Variants in DEAF1 observed in about 807,000 individuals in gnomAD.
DEAF1 encodes DEAF1 transcription factor.
In DEAF1, 53 loss-of-function variants were observed where a neutral mutation model predicts 58.9. The observed-to-expected ratio is 0.90, with a 90% confidence interval of 0.72 to 1.13. The LOEUF is 1.13. Ranked by LOEUF, DEAF1 falls within the 50% of genes most tolerant of loss-of-function variation. The pLI is 0.00. For missense variants in DEAF1, 685 were observed against 791.4 expected, an observed-to-expected ratio of 0.87 and a Z score of 1.61; for synonymous variants, 385 against 340.4, an observed-to-expected ratio of 1.13 and a Z score of -1.44.
At chr11:701,690 T>G (rs1215991477) in intron 1 of DEAF1, among the ~76,000 whole-genome samples, 3 of 151,962 alleles carry the variant, frequency 2.0e-5, no homozygotes, top group South Asian at 2.1e-4. Context: ...ATTACAGGCG[T>G]GAGCCACCGC....
At position 691,659 on chromosome 11, in the gene DEAF1, C is replaced by T. The variant is rs750793872; in HGVS notation, c.290-61G>A. On this transcript the variant is annotated intron_variant, in intron 1 of 11. Coordinates refer to ENST00000382409, the MANE Select transcript of DEAF1 (RefSeq NM_021008.4). Reference sequence around the variant, plus strand: ...AAGCCAGAATGGACAAAGCGAACAGCCTCGCTCAGGTGCTTCAAACAAAGT... The same window carrying T: ...AAGCCAGAATGGACAAAGCGAACAGTCTCGCTCAGGTGCTTCAAACAAAGT... 1.3e-5 allele frequency: 19 copies of T among 1,493,262 alleles called. No individual in the cohort carries two copies. The African/African-American group carries it at 2.5e-4, about 19-fold the overall frequency. 92.5% of individuals were successfully genotyped at this position (1,493,262 alleles called of 1,614,324 possible). A position where few individuals can be genotyped will look rare whatever the true frequency, so the allele number is the denominator to read the frequency against.
intron 10 of DEAF1, among the ~76,000 whole-genome samples, chr11:665,583 A>C (rs951198471): frequency 4.6e-5 from 7 of 152,204 alleles, no homozygotes; most frequent in African/African-American, 1.7e-4. Flanking sequence ...AAGGGATTTC[A>C]TGCCACATTT....
chr11:661,240 G>C lies in DEAF1; in HGVS notation c.1504-7189C>G, dbSNP rs571395042. Among the ~76,000 whole-genome samples the C allele has an allele frequency of 1.2e-4, 18 of 152,282 alleles. No individual in the cohort carries two copies. The East Asian group carries it at 3.3e-3, about 28-fold the overall frequency. On this transcript the variant is annotated intron_variant, in intron 10 of 11. Coordinates refer to ENST00000382409, the MANE Select transcript of DEAF1 (RefSeq NM_021008.4). ...GAGTCCAAGACCCTGCAGCCACTCG[G>C]CTGGCTTCCACTGGACACTGTGCCC...
At chr11:654,171 T>A in intron 10 of DEAF1, 120 bp from the exon 11 acceptor site, 1 of 709,058 alleles carries the variant, frequency 1.4e-6, no homozygotes. Flanking sequence ...CCCCCTTTTT[T>A]TTTTTTTTTT....
At chr11:647,011 T>C (rs1858527448) in intron 11 of DEAF1, among the ~76,000 whole-genome samples, 1 of 151,596 alleles carries the variant, frequency 6.6e-6, no homozygotes, top group Admixed American at 6.6e-5. Flanking sequence ...GTTTTAAAAT[T>C]AGCTGGGTGT....
At chr11:675,577 C>T (rs1440441150) in intron 9 of DEAF1, among the ~76,000 whole-genome samples, 2 of 152,204 alleles carry the variant, frequency 1.3e-5, no homozygotes, top group Non-Finnish European at 2.9e-5. Context: ...AATCCCAGCA[C>T]TTTGGGAGGC....
Position 653,428 on chromosome 11 carries a change from GTCTC to G in DEAF1, c.1593+530_1593+533del, listed in dbSNP as rs1178054690. On this transcript the variant is annotated intron_variant, in intron 11 of 11. Transcript: ENST00000382409. The stretch of plus-strand genomic sequence containing the variant: ...CTCAATAATAGAGGAACTGTGGACA[GTCTC>G]TCTCGCGTGGCTCTGCAGGGGTGTG... Among the ~76,000 whole-genome samples the G allele has an allele frequency of 1.3e-3, 151 of 118,326 alleles. 1 individual carries two copies. The highest frequency in any genetic ancestry group is 5.0e-3 in the African/African-American group (144 of 28,890). The allele number at this position is 118,326 out of a possible 152,430, so 77.6% of individuals were successfully genotyped here.
intron 10 of DEAF1, among the ~76,000 whole-genome samples, chr11:660,007 G>A (rs1216582148): frequency 6.6e-6 from 1 of 152,202 alleles, no homozygotes; most frequent in East Asian, 1.9e-4. Context: ...CTGCTGCTGT[G>A]CACCCTTGAG....
chr11:654,981 T>C (rs1858975235), intron 10 of DEAF1, among the ~76,000 whole-genome samples: 1 of 151,024 alleles, frequency 6.6e-6, no homozygotes. Context: ...CCATCCTGGC[T>C]AACACGGTGA....
At chr11:680,232 C>T (rs1860291504) in intron 7 of DEAF1, among the ~76,000 whole-genome samples, 1 of 152,128 alleles carries the variant, frequency 6.6e-6, no homozygotes, top group African/African-American at 2.4e-5. Flanking sequence ...GCTGCCTCTC[C>T]AGCTCAAAAA....
At chr11:648,526 G>A (rs7125390) in intron 11 of DEAF1, among the ~76,000 whole-genome samples, 2,180 of 152,188 alleles carry the variant, frequency 0.014, 53 homozygotes, top group African/African-American at 0.049. Flanking sequence ...AGGATCTGAG[G>A]GAGGCTTGAG....
In DEAF1 at chr11:687,015, A is replaced by G; in HGVS notation, c.665-18T>C. On this transcript the variant is annotated intron_variant, in intron 4 of 11. Coordinates refer to ENST00000382409, the MANE Select transcript of DEAF1 (RefSeq NM_021008.4). ...CCGGCCGCCTGCAAGGAAGGGCAGC[A>G]GTCATGATGATGGCAGGTGGGAACG... 1 of 1,613,732 alleles carries G rather than the reference A, an allele frequency of 6.2e-7. No homozygotes were observed. Among genetic ancestry groups the G allele is most frequent in the Non-Finnish European group, 8.5e-7 (1 of 1,180,038 alleles).
At chr11:680,398 G>A (rs943913141) in intron 7 of DEAF1, among the ~76,000 whole-genome samples, 9 of 152,188 alleles carry the variant, frequency 5.9e-5, no homozygotes, top group Non-Finnish European at 1.0e-4. Context: ...CTATTACAAA[G>A]ACATTTTCTC....
intron 10 of DEAF1, among the ~76,000 whole-genome samples, chr11:668,544 C>T (rs945513956): frequency 2.0e-5 from 3 of 152,118 alleles, no homozygotes; most frequent in Non-Finnish European, 2.9e-5. Flanking sequence ...ACATTTTGGC[C>T]GGGCACAGTG....
chr11:679,725 C>G lies in DEAF1; in HGVS notation c.1089G>C (p.Glu363Asp). The change falls in exon 8 of 12, where the codon GAG becomes GAC. Residue 363 changes from glutamate (E) to aspartate (D), a missense_variant. Physicochemically the swap from Glu to Asp is conservative, Grantham distance 45. Coordinates refer to ENST00000382409, the MANE Select transcript of DEAF1 (RefSeq NM_021008.4). ...CGAAGACGTCGCCCTGGGCCGGACT[C>G]TCTGATATGACAGCAGTGGCCTCTA... ...STVEATAVIS[E>D]SPAQGDVFAG... The G allele has an allele frequency of 6.2e-7, 1 of 1,613,738 alleles. No individual in the cohort carries two copies. The highest frequency in any genetic ancestry group is 8.5e-7 in the Non-Finnish European group (1 of 1,180,052).
rs570494136 is a variant in DEAF1 at position 682,549 on chromosome 11, C to G, written c.871-1460G>C. Among the ~76,000 whole-genome samples the G allele has an allele frequency of 7.9e-5, 12 of 152,174 alleles. No homozygotes were observed. In the South Asian group the frequency reaches 8.4e-4, roughly 11 times the overall value. ...TTCCTTTGGGAGGGGCTTTGGAGCTCTCTGTTCTTACGGCCTCTCTCTCTT... is the reference window on the plus strand; with the variant it reads ...TTCCTTTGGGAGGGGCTTTGGAGCTGTCTGTTCTTACGGCCTCTCTCTCTT... On this transcript the variant is annotated intron_variant, in intron 6 of 11. Transcript: ENST00000382409.
chr11:688,375 A>T lies in DEAF1; in HGVS notation c.473T>A (p.Val158Glu). ...LIVVHTDGSI[V>E]ETTGLKGPAA... ...CGGGCCTTTCAGCCCGGTGGTCTCC[A>T]CGATGCTCCCATCTGTGTGGACGAC... Residue 158 changes from valine (V) to glutamate (E), a missense_variant, in exon 3 of 12, where the codon GTG (valine) becomes GAG (glutamate). Coordinates refer to ENST00000382409, the MANE Select transcript of DEAF1 (RefSeq NM_021008.4). The surrounding 1 kb of genome is among the most constrained non-coding windows in gnomAD (Gnocchi z 4.3). 3.1e-6 allele frequency: 5 copies of T among 1,613,928 alleles called. No homozygotes were observed. The highest frequency in any genetic ancestry group is 4.2e-6 in the Non-Finnish European group (5 of 1,180,034).
chr11:703,401 G>A, intron 1 of DEAF1: 1 of 1,347,490 alleles, frequency 7.4e-7, no homozygotes. Flanking sequence ...TTCAAGATGA[G>A]TCCCAGGAGC....
intron 2 of DEAF1, among the ~76,000 whole-genome samples, chr11:689,170 G>C (rs1243000155): frequency 2.0e-5 from 3 of 151,096 alleles, no homozygotes; most frequent in Non-Finnish European, 4.4e-5. Context: ...CCGAGGCAAA[G>C]TGAGAAAACA....
Sources: allele counts gnomAD v4.1 joint callset (sites outside exome capture counted in the v4.1 genomes callset), GRCh38; gene constraint gnomAD v4.1.1; non-coding constraint Gnocchi (gnomAD v3.1); transcripts MANE v1.5; gene names NCBI Gene and HGNC (gene_info 2026-07-23, HGNC 2026-07-21).